Variants in WDR27 observed in about 807,000 individuals in gnomAD.
WDR27 encodes the protein WD repeat domain 27.
In WDR27, 100 loss-of-function variants were observed where a neutral mutation model predicts 114.4. That is an observed-to-expected ratio of 0.87 (90% CI 0.74 to 1.03). The LOEUF (loss-of-function observed/expected upper bound fraction) is 1.03. Among genes scored for constraint, WDR27 ranks in the 50% least tolerant of loss-of-function variants. WDR27 has a pLI of 0.00. For missense variants in WDR27, 1,129 were observed against 1,092.9 expected, an observed-to-expected ratio of 1.03 and a Z score of -0.47; for synonymous variants, 449 against 423.1, an observed-to-expected ratio of 1.06 and a Z score of -0.75.
chr6:169,602,646 T>C (rs1808240035), intron 22 of WDR27, among the ~76,000 whole-genome samples: 2 of 152,114 alleles, frequency 1.3e-5, no homozygotes, highest in South Asian at 2.1e-4. Context: ...TCTAAAATAA[T>C]AAATTATTTA....
the WDR27 span, among the ~76,000 whole-genome samples, chr6:169,448,329 T>C: frequency 6.6e-5 from 10 of 152,224 alleles, no homozygotes; most frequent in African/African-American, 2.2e-4. Flanking sequence ...GTATGGTTGC[T>C]GTGCTGTTTT....
At chr6:169,455,013 C>A (rs996015529), downstream of WDR27, among the ~76,000 whole-genome samples, 1 of 152,212 alleles carries the variant, frequency 6.6e-6, no homozygotes, top group Non-Finnish European at 1.5e-5. Flanking sequence ...TGGTACCAGG[C>A]GACCCGGCCT....
chr6:169,489,972 G>T (rs1789532568), intron 25 of WDR27, among the ~76,000 whole-genome samples: 1 of 152,190 alleles, frequency 6.6e-6, no homozygotes, highest in Non-Finnish European at 1.5e-5. Context: ...TCTCTGCCCT[G>T]GGTGTGCAGG....
At chr6:169,695,261 C>A (rs1435611366) in intron 1 of WDR27, among the ~76,000 whole-genome samples, 1 of 152,134 alleles carries the variant, frequency 6.6e-6, no homozygotes, top group African/African-American at 2.4e-5. Flanking sequence ...GAAGCCAGTA[C>A]GGGTTGGTTG....
intron 25 of WDR27, among the ~76,000 whole-genome samples, chr6:169,570,116 C>T (rs750951645): frequency 6.6e-6 from 1 of 152,176 alleles, no homozygotes; most frequent in Non-Finnish European, 1.5e-5. Flanking sequence ...AGTGTATCCA[C>T]GTGGACTCGG....
chr6:169,431,944 G>A, the WDR27 span, among the ~76,000 whole-genome samples: 2 of 152,046 alleles, frequency 1.3e-5, no homozygotes, highest in African/African-American at 2.4e-5. Flanking sequence ...TGCAAACTAC[G>A]GTCTCCGAGT....
intron 23 of WDR27, among the ~76,000 whole-genome samples, chr6:169,590,155 T>A (rs1341865984): frequency 6.6e-6 from 1 of 152,220 alleles, no homozygotes; most frequent in Non-Finnish European, 1.5e-5. Flanking sequence ...TTGAGCCACA[T>A]CTGTGAGAAT....
intron 2 of WDR27, among the ~76,000 whole-genome samples, chr6:169,675,445 T>C (rs1183313836): frequency 6.6e-6 from 1 of 152,156 alleles, no homozygotes; most frequent in East Asian, 1.9e-4. Context: ...TTGTAAAATA[T>C]TTTAAGAGAT....
At chr6:169,642,385 C>T (rs1429575190) in intron 17 of WDR27, among the ~76,000 whole-genome samples, 1 of 151,904 alleles carries the variant, frequency 6.6e-6, no homozygotes. Flanking sequence ...AGTGAGAAGC[C>T]CTTTTTCCAA....
chr6:169,621,231 C>T (rs1258966255), intron 21 of WDR27, among the ~76,000 whole-genome samples: 2 of 152,062 alleles, frequency 1.3e-5, no homozygotes, highest in Non-Finnish European at 2.9e-5. Context: ...CACACACATG[C>T]ACACAGGCAT....
chr6:169,457,973 C>CGGA (rs148934854), intron 25 of WDR27, among the ~76,000 whole-genome samples: 2,960 of 111,774 alleles, frequency 0.026, 261 homozygotes, highest in African/African-American at 0.094. Context: ...GCACTCCTGA[C>CGGA]GGAGGAGGAG....
At chr6:169,478,774 T>C (rs1424279814) in intron 25 of WDR27, among the ~76,000 whole-genome samples, 1 of 152,108 alleles carries the variant, frequency 6.6e-6, no homozygotes, top group Admixed American at 6.5e-5. Flanking sequence ...TCAAAAACCA[T>C]CTGATTTTCG....
At chr6:169,537,680 T>C (rs1796348648) in intron 25 of WDR27, among the ~76,000 whole-genome samples, 1 of 152,014 alleles carries the variant, frequency 6.6e-6, no homozygotes, top group Admixed American at 6.6e-5. Context: ...TGAACCACCA[T>C]GGGGGTAGTG....
rs59470895 is a variant in WDR27 at position 169,642,302 on chromosome 6, T to TC, written c.1747+1394dup. Reference sequence around the variant, plus strand: ...AGTTGAGATGGTTAAATGTGGCCCTTCCCCCCCGCCCACAGAAACAGAGCA... The same window carrying TC: ...AGTTGAGATGGTTAAATGTGGCCCTTCCCCCCCCGCCCACAGAAACAGAGCA... On this transcript the variant is annotated intron_variant, in intron 17 of 25. Transcript: ENST00000448612. Among the ~76,000 whole-genome samples, 93 of 150,934 alleles carry TC rather than the reference T, an allele frequency of 6.2e-4. 2 individuals are homozygous for TC. The East Asian group carries it at 0.015, about 25-fold the overall frequency.
the WDR27 span, among the ~76,000 whole-genome samples, chr6:169,441,270 C>A: frequency 6.6e-6 from 1 of 152,134 alleles, no homozygotes; most frequent in East Asian, 1.9e-4. Flanking sequence ...GACCAGAGAC[C>A]ACCAAGACAG....
Position 169,634,462 on chromosome 6 carries a change from C to A in WDR27, c.2067G>T (p.Met689Ile). 6.2e-7 allele frequency: 1 copy of A among 1,613,248 alleles called. No homozygotes were observed. Among genetic ancestry groups the A allele is most frequent in the South Asian group, 1.1e-5 (1 of 90,776 alleles). Residue 689 changes from methionine (M) to isoleucine (I), a missense_variant, in exon 20 of 26, where the codon ATG becomes ATT. By Grantham distance (10) the Met-to-Ile change is conservative. Transcript: ENST00000448612. ...CRLSTTGAVD[M>I]TSLSAVNDFY... ...AGTCGTTGACTGCCGATAAACTGGT[C>A]ATGTCTACTGCACCCGTCGTGGAGA... is the stretch of plus-strand genomic sequence containing the variant.
intron 1 of WDR27, among the ~76,000 whole-genome samples, chr6:169,694,930 G>A (rs62422547): frequency 0.023 from 3,449 of 152,312 alleles, 75 homozygotes; most frequent in Non-Finnish European, 0.037. Flanking sequence ...AATTAATCAC[G>A]TAATCAGAAG....
At chr6:169,570,411 G>A (rs1431962325) in intron 25 of WDR27, among the ~76,000 whole-genome samples, 3 of 152,192 alleles carry the variant, frequency 2.0e-5, no homozygotes, top group African/African-American at 7.2e-5. Flanking sequence ...GCTATCTTCA[G>A]GAGGACACGA....
chr6:169,527,684 A>T (rs1795110137), intron 25 of WDR27, among the ~76,000 whole-genome samples: 1 of 152,232 alleles, frequency 6.6e-6, no homozygotes, highest in Non-Finnish European at 1.5e-5. Flanking sequence ...TTTACAGATG[A>T]AATGCTATTT....
Sources: gnomAD v4.1 joint callset for allele counts (sites outside exome capture counted in the v4.1 genomes callset) on GRCh38, gnomAD v4.1.1 for gene constraint, MANE v1.5 for transcripts, NCBI Gene and HGNC (gene_info 2026-07-23, HGNC 2026-07-21) for gene names.